CDYL: variants seen among roughly 807,000 people sequenced by gnomAD.
The protein encoded by CDYL is chromodomain Y-like protein.
CDYL carries 8 observed loss-of-function variants against 47.3 expected under a neutral mutation model. The observed-to-expected ratio is 0.17, with a 90% CI of 0.10 to 0.31. CDYL has a LOEUF of 0.31. CDYL is among the 10% of genes least tolerant of loss of function. The pLI, the probability that CDYL is intolerant of heterozygous loss-of-function variation, is 1.00. For synonymous variants in CDYL, 266 were observed against 265.0 expected, an observed-to-expected ratio of 1.00 and a Z score of -0.04; for missense variants, 471 against 701.4, an observed-to-expected ratio of 0.67 and a Z score of 3.71.
At chr6:4,715,912 G>C (rs545124780) in intron 2 of CDYL, 3 of 1,604,094 alleles carry the variant, frequency 1.9e-6, no homozygotes, top group East Asian at 4.5e-5. Context: ...AATTAGTTCT[G>C]ATGCAGTAGG....
At chr6:4,931,290 A>G (rs142292489) in intron 2 of CDYL, among the ~76,000 whole-genome samples, 41 of 152,334 alleles carry the variant, frequency 2.7e-4, no homozygotes, top group Non-Finnish European at 3.8e-4. Flanking sequence ...TGAGAAAGAA[A>G]TAACTTTCAT....
At chr6:4,827,632 T>C (rs1053505598) in intron 1 of CDYL, among the ~76,000 whole-genome samples, 1 of 152,202 alleles carries the variant, frequency 6.6e-6, no homozygotes, top group Non-Finnish European at 1.5e-5. Flanking sequence ...TAACATGGAT[T>C]GATAATTATT....
chr6:4,737,259 G>A (rs1268357021), intron 3 of CDYL, among the ~76,000 whole-genome samples: 1 of 152,066 alleles, frequency 6.6e-6, no homozygotes, highest in Non-Finnish European at 1.5e-5. Context: ...AGTAATAGAA[G>A]GAACGATGGG....
intron 1 of CDYL, among the ~76,000 whole-genome samples, chr6:4,782,054 G>A (rs1207877219): frequency 1.3e-5 from 2 of 149,740 alleles, no homozygotes; most frequent in Non-Finnish European, 3.0e-5. Context: ...TAGGCTCTGC[G>A]TGGAGGTGGG....
intron 3 of CDYL, among the ~76,000 whole-genome samples, chr6:4,765,042 G>T (rs1758231004): frequency 1.3e-5 from 2 of 152,100 alleles, no homozygotes; most frequent in Non-Finnish European, 2.9e-5. Flanking sequence ...CCAGAAATTG[G>T]CTGGGTGTGG....
At chr6:4,868,670 T>A (rs1761389871) in intron 1 of CDYL, among the ~76,000 whole-genome samples, 1 of 152,200 alleles carries the variant, frequency 6.6e-6, no homozygotes, top group Non-Finnish European at 1.5e-5. Context: ...TGTTCAAGTC[T>A]TCTATATCAT....
intron 3 of CDYL, among the ~76,000 whole-genome samples, chr6:4,746,708 C>T (rs750446885): frequency 1.3e-5 from 2 of 152,144 alleles, no homozygotes; most frequent in African/African-American, 2.4e-5. Flanking sequence ...TCAAATAGAG[C>T]TCACAGGAGT....
chr6:4,894,680 C>T (rs1027710528), intron 2 of CDYL, among the ~76,000 whole-genome samples: 1 of 152,100 alleles, frequency 6.6e-6, no homozygotes, highest in Admixed American at 6.5e-5. Flanking sequence ...AAACTCCTGA[C>T]CTCAAGTGAT....
intron 1 of CDYL, among the ~76,000 whole-genome samples, chr6:4,823,720 G>A (rs1388245662): frequency 6.6e-6 from 1 of 151,924 alleles, no homozygotes; most frequent in Admixed American, 6.6e-5. Flanking sequence ...CAGAAACTTT[G>A]TAACCGGTAA....
rs1581259501 is a variant in CDYL at position 4,913,495 on chromosome 6, A to T, written c.691+21116A>T. ...AAACTGTTTGAAAAGTGATTATAGG[A>T]TTGGGGAAAAGTTGATACTTCCATC... On this transcript the variant is annotated intron_variant, in intron 2 of 6. Transcript: ENST00000397588. Among the ~76,000 whole-genome samples, 3 of 152,306 alleles carry T rather than the reference A, an allele frequency of 2.0e-5. No homozygotes were observed. In the South Asian group the frequency reaches 6.2e-4, roughly 32 times the overall value.
intron 2 of CDYL, among the ~76,000 whole-genome samples, chr6:4,922,385 T>G (rs1757742710): frequency 1.3e-5 from 2 of 152,250 alleles, no homozygotes; most frequent in Non-Finnish European, 2.9e-5. Flanking sequence ...GCATGGGCAA[T>G]GAATCCTGAG....
chr6:4,747,386 G>T (rs1195351827), intron 3 of CDYL, among the ~76,000 whole-genome samples: 5 of 151,588 alleles, frequency 3.3e-5, no homozygotes, highest in Non-Finnish European at 7.4e-5. Context: ...AGAATCAATA[G>T]GATTTGAATC....
intron 3 of CDYL, among the ~76,000 whole-genome samples, chr6:4,752,231 A>G (rs991098085): frequency 2.0e-5 from 3 of 152,084 alleles, no homozygotes; most frequent in Admixed American, 6.6e-5. Context: ...GGTAATTGCA[A>G]GGGTAGAGAT....
intron 2 of CDYL, among the ~76,000 whole-genome samples, chr6:4,927,263 G>T (rs986062775): frequency 6.6e-6 from 1 of 152,018 alleles, no homozygotes; most frequent in Non-Finnish European, 1.5e-5. Flanking sequence ...TTACAAAATT[G>T]CTTTCTAGGA....
At chr6:4,790,765 C>T (rs905560610) in intron 1 of CDYL, among the ~76,000 whole-genome samples, 1 of 152,054 alleles carries the variant, frequency 6.6e-6, no homozygotes. Flanking sequence ...AAGCTTTGTA[C>T]GAGGTTAAGC....
At chr6:4,819,116 T>TTCTC (rs373718294) in intron 1 of CDYL, among the ~76,000 whole-genome samples, 4,963 of 76,468 alleles carry the variant, frequency 0.065, 365 homozygotes, top group East Asian at 0.24. Context: ...TTTAGGTTCG[T>TTCTC]TCTCTCTCTC....
Position 4,892,294 on chromosome 6 carries a change from C to G in CDYL, c.606C>G (p.Ser202Arg). The G allele has an allele frequency of 6.2e-7, 1 of 1,614,138 alleles. No homozygotes were observed. Among genetic ancestry groups the G allele is most frequent in the Non-Finnish European group, 8.5e-7 (1 of 1,180,026 alleles). The change falls in exon 2 of 7, where the codon AGC becomes AGG. Residue 202 changes from serine (S) to arginine (R), a missense_variant. By Grantham distance (110) the Ser-to-Arg change is moderately radical (BLOSUM62 -1). Coordinates refer to ENST00000397588, the MANE Select transcript of CDYL (RefSeq NM_004824.4). The part of the protein sequence containing the change: ...GPGAERARMG[S>R]RPRIHPLVPQ... ...GTGCCGAGAGGGCCAGGATGGGGAG[C>G]AGGCCCAGGATACACCCACTAGTGC...
At chr6:4,931,518 A>T (rs6937699) in intron 2 of CDYL, among the ~76,000 whole-genome samples, 1 of 152,134 alleles carries the variant, frequency 6.6e-6, no homozygotes, top group Non-Finnish European at 1.5e-5. Context: ...ACCCTGGGTG[A>T]CATGAGAACC....
chr6:4,872,844 A>T (rs980282296), intron 1 of CDYL, among the ~76,000 whole-genome samples: 4 of 152,196 alleles, frequency 2.6e-5, no homozygotes, highest in African/African-American at 9.7e-5. Context: ...GTCTCTATCC[A>T]TTTCATAAAG....
Sources: allele counts gnomAD v4.1 joint callset (sites outside exome capture counted in the v4.1 genomes callset), GRCh38; gene constraint gnomAD v4.1.1; transcripts MANE v1.5; gene names NCBI Gene and HGNC (gene_info 2026-07-23, HGNC 2026-07-21).